The following RGS7 variants were observed in gnomAD, a reference collection of about 807,000 sequenced individuals.
RGS7 encodes the protein regulator of G protein signaling 7.
RGS7 carries 27 observed loss-of-function variants against 81.1 expected under a neutral mutation model. That is an observed-to-expected ratio of 0.33 (90% CI 0.25 to 0.46). RGS7 has a LOEUF of 0.46. Among genes scored for constraint, RGS7 ranks in the 20% least tolerant of loss-of-function variants. The pLI, the probability that RGS7 is intolerant of heterozygous loss-of-function variation, is 1.00. For missense variants in RGS7, 396 were observed against 607.4 expected, an observed-to-expected ratio of 0.65 and a Z score of 3.66; for synonymous variants, 208 against 207.7, an observed-to-expected ratio of 1.00 and a Z score of -0.01.
At position 240,868,055 on chromosome 1, in the gene RGS7, GAAAGA is replaced by G. The variant is rs1177277280; in HGVS notation, c.609+527_609+531del. On this transcript the variant is annotated intron_variant, in intron 9 of 18. Coordinates refer to ENST00000440928, the MANE Select transcript of RGS7 (RefSeq NM_001364886.1). The surrounding 1 kb of genome is among the most constrained non-coding windows in gnomAD (Gnocchi z 5.1). The stretch of plus-strand genomic sequence containing the variant: ...AAAGAAGAGAAAAGAAAGAAAGAAA[GAAAGA>G]AAAGAAGAGAAAAGAAAGAAAGAAA... Among the ~76,000 whole-genome samples the G allele has an allele frequency of 1.5e-5, 2 of 129,650 alleles. No homozygotes were observed. Among genetic ancestry groups the G allele is most frequent in the Admixed American group, 8.0e-5 (1 of 12,428 alleles). The allele number at this position is 129,650 out of a possible 152,430, so 85.1% of individuals were successfully genotyped here. A position where few individuals can be genotyped will look rare whatever the true frequency, so the allele number is the denominator to read the frequency against.
rs2068115690 is a variant in RGS7 at position 241,144,032 on chromosome 1, G to C, written c.79-45270C>G. On this transcript the variant is annotated intron_variant, in intron 2 of 18. Transcript: ENST00000440928. The surrounding 1 kb of genome is among the most constrained non-coding windows in gnomAD (Gnocchi z 4.7). Reference sequence around the variant, plus strand: ...ACTCTGAGAAATACATTTCTATTGTGTATAAGCCACTCAGCCCATGATATT... The same window carrying C: ...ACTCTGAGAAATACATTTCTATTGTCTATAAGCCACTCAGCCCATGATATT... Among the ~76,000 whole-genome samples, 1 of 152,088 alleles carries C rather than the reference G, an allele frequency of 6.6e-6. No individual in the cohort carries two copies. The highest frequency in any genetic ancestry group is 1.5e-5 in the Non-Finnish European group (1 of 68,022).
intron 16 of RGS7, 152 bp from the exon 17 acceptor site, chr1:240,801,660 A>T (rs898586839): frequency 1.5e-6 from 1 of 688,790 alleles, no homozygotes; most frequent in African/African-American, 1.8e-5. Flanking sequence ...TAGAGGTTGG[A>T]GAGCCGCCAA....
chr1:241,249,206 C>CT (rs1179731847), intron 2 of RGS7, among the ~76,000 whole-genome samples: 2 of 151,810 alleles, frequency 1.3e-5, no homozygotes, highest in African/African-American at 4.8e-5. Context: ...CCTAAGGACT[C>CT]TAAGATTTTC....
intron 2 of RGS7, among the ~76,000 whole-genome samples, chr1:241,109,267 C>T (rs1273575169): frequency 6.6e-6 from 1 of 152,118 alleles, no homozygotes; most frequent in Non-Finnish European, 1.5e-5. Context: ...CTTCCCTTTT[C>T]CATCTGTGCC....
rs34732495 is a variant in RGS7 at position 240,921,331 on chromosome 1, GAA to G, written c.385+9384_385+9385del. ...CAATAAATGATTTAATTCTCTTGAA[GAA>G]AAAAAAAACTAGATGCTTTCCCACT... On this transcript the variant is annotated intron_variant, in intron 6 of 18. Transcript: ENST00000440928. Among the ~76,000 whole-genome samples, 5 of 149,758 alleles carry G rather than the reference GAA, an allele frequency of 3.3e-5. No homozygotes were observed. The East Asian group carries it at 5.9e-4, about 18-fold the overall frequency.
chr1:241,038,121 T>G (rs2060425912), intron 3 of RGS7, among the ~76,000 whole-genome samples: 1 of 152,176 alleles, frequency 6.6e-6, no homozygotes, highest in Non-Finnish European at 1.5e-5. Context: ...ATTAAAATCT[T>G]TTTTAAAAAA....
At chr1:240,819,654 C>T (rs1017155118) in intron 10 of RGS7, among the ~76,000 whole-genome samples, 9 of 152,182 alleles carry the variant, frequency 5.9e-5, no homozygotes, top group East Asian at 1.9e-4. Flanking sequence ...AGGAGAATCA[C>T]GTGGACCCAG....
chr1:240,883,307 G>A (rs1360871408), intron 6 of RGS7, among the ~76,000 whole-genome samples: 1 of 151,894 alleles, frequency 6.6e-6, no homozygotes, highest in Non-Finnish European at 1.5e-5. Context: ...TTGTGCACAT[G>A]TACCCTAAAA....
rs139744141 is a variant in RGS7 at position 240,999,955 on chromosome 1, G to A, written c.176-16826C>T. Among the ~76,000 whole-genome samples, 367 of 152,224 alleles carry A rather than the reference G, an allele frequency of 2.4e-3. 3 individuals are homozygous for A. The highest frequency in any genetic ancestry group is 8.1e-3 in the African/African-American group (335 of 41,548). On this transcript the variant is annotated intron_variant, in intron 3 of 18. Transcript: ENST00000440928. ...TGGACATCTTTGTATTTTGTTATGC[G>A]ATTCTGGGTTGTCGTTGGCTTTTGA...
At chr1:240,969,030 G>A (rs1044761738) in intron 4 of RGS7, among the ~76,000 whole-genome samples, 1 of 152,114 alleles carries the variant, frequency 6.6e-6, no homozygotes, top group African/African-American at 2.4e-5. Context: ...ATCTATGGCC[G>A]CTTCTGGGTA....
At chr1:241,107,011 T>C (rs901985811) in intron 2 of RGS7, among the ~76,000 whole-genome samples, 1 of 152,192 alleles carries the variant, frequency 6.6e-6, no homozygotes, top group African/African-American at 2.4e-5. Context: ...TTGGGATTAC[T>C]TGGGTTGACA....
At chr1:240,785,883 G>A (rs1012094276) in intron 18 of RGS7, among the ~76,000 whole-genome samples, 1 of 152,212 alleles carries the variant, frequency 6.6e-6, no homozygotes, top group Admixed American at 6.5e-5. Flanking sequence ...AACTGTGGAG[G>A]TGGGTGAGTT....
At chr1:240,809,386 C>T (rs956947793) in intron 14 of RGS7, among the ~76,000 whole-genome samples, 8 of 152,066 alleles carry the variant, frequency 5.3e-5, no homozygotes, top group Middle Eastern at 3.2e-3. Context: ...GTAAGATGCA[C>T]GGAGAGTTAT....
chr1:240,953,028 A>G (rs1055717347), intron 4 of RGS7, among the ~76,000 whole-genome samples: 2 of 151,900 alleles, frequency 1.3e-5, no homozygotes, highest in African/African-American at 4.8e-5. Flanking sequence ...TTCTATTACA[A>G]TCCTAAATGT....
At chr1:241,193,869 T>C (rs2072874522) in intron 2 of RGS7, among the ~76,000 whole-genome samples, 1 of 152,222 alleles carries the variant, frequency 6.6e-6, no homozygotes, top group Non-Finnish European at 1.5e-5. Context: ...TAATTCACTA[T>C]TAATTTTCAC....
At chr1:240,825,121 G>A (rs557287681) in intron 10 of RGS7, among the ~76,000 whole-genome samples, 2 of 152,154 alleles carry the variant, frequency 1.3e-5, no homozygotes, top group Non-Finnish European at 2.9e-5. Flanking sequence ...TTATATCCAT[G>A]TACAGACATT....
chr1:240,992,551 A>C (rs1686607766), intron 3 of RGS7, among the ~76,000 whole-genome samples: 2 of 152,058 alleles, frequency 1.3e-5, no homozygotes, highest in African/African-American at 4.8e-5. Flanking sequence ...AGCTAAGGCC[A>C]AGTGCTTTTG....
intron 2 of RGS7, among the ~76,000 whole-genome samples, chr1:241,245,504 A>G (rs560182781): frequency 7.2e-5 from 11 of 152,076 alleles, no homozygotes; most frequent in South Asian, 6.3e-4. Context: ...AAAAAAAAAA[A>G]AAAGAAAACG....
intron 2 of RGS7, among the ~76,000 whole-genome samples, chr1:241,292,456 G>A (rs10737856): frequency 0.69 from 105,410 of 152,126 alleles, 37,109 homozygotes; most frequent in East Asian, 0.85. Context: ...GCAATAGGGC[G>A]GCTTGTGTAG....
Sources: allele counts gnomAD v4.1 joint callset (sites outside exome capture counted in the v4.1 genomes callset), GRCh38; gene constraint gnomAD v4.1.1; non-coding constraint Gnocchi (gnomAD v3.1); transcripts MANE v1.5; gene names NCBI Gene and HGNC (gene_info 2026-07-23, HGNC 2026-07-21).